CRACDL: variants seen among roughly 807,000 people sequenced by gnomAD.
The protein encoded by CRACDL is CRACD like, also known as CRACD-like protein.
CRACDL carries 26 observed loss-of-function variants against 70.6 expected under a neutral mutation model. The observed-to-expected ratio is 0.37, with a 90% CI of 0.27 to 0.51. The LOEUF is 0.51. CRACDL is among the 20% of genes least tolerant of loss of function. The pLI is 0.94. For missense variants in CRACDL, 1,283 were observed against 1,376.9 expected (o/e 0.93, Z 1.08); for synonymous variants, 618 against 615.2 (o/e 1.00, Z -0.07).
At chr2:98,905,316 C>T (rs145457148) in intron 1 of CRACDL, among the ~76,000 whole-genome samples, 1 of 151,696 alleles carries the variant, frequency 6.6e-6, no homozygotes, top group African/African-American at 2.4e-5. Context: ...TCTTGCCATG[C>T]GACATGCTGA....
At chr2:98,843,748 G>A (rs1575378454) in intron 2 of CRACDL, among the ~76,000 whole-genome samples, 1 of 152,114 alleles carries the variant, frequency 6.6e-6, no homozygotes, top group African/African-American at 2.4e-5. Context: ...ATACCATACT[G>A]TCTTGATTAC....
intron 5 of CRACDL, among the ~76,000 whole-genome samples, chr2:98,831,710 G>T (rs1373335501): frequency 6.6e-6 from 1 of 152,200 alleles, no homozygotes; most frequent in East Asian, 1.9e-4. Flanking sequence ...GAGCTATGTT[G>T]TTTATGCACG....
chr2:98,822,536 G>A lies in CRACDL; in HGVS notation c.1737C>T (p.Cys579=). The A allele has an allele frequency of 2.0e-6, 3 of 1,464,746 alleles. No individual in the cohort carries two copies. Among genetic ancestry groups the A allele is most frequent in the Non-Finnish European group, 2.7e-6 (3 of 1,116,244 alleles). 90.7% of individuals were successfully genotyped at this position (1,464,746 alleles called of 1,614,324 possible). The change falls in exon 7 of 10, where the codon TGC becomes TGT. Residue 579 remains cysteine (C), a synonymous_variant. Coordinates refer to ENST00000397899, the MANE Select transcript of CRACDL (RefSeq NM_207362.3). The surrounding 1 kb of genome is among the most constrained non-coding windows in gnomAD (Gnocchi z 4.9). ...RGAKKFSVSS[C]RARPRPGVSR... ...AGACGCCCGGACGAGGCCGCGCTCG[G>A]CACGAGGACACCGAGAACTTCTTCG...
At chr2:98,902,879 C>A (rs1166790871) in intron 1 of CRACDL, among the ~76,000 whole-genome samples, 1 of 152,146 alleles carries the variant, frequency 6.6e-6, no homozygotes, top group Non-Finnish European at 1.5e-5. Flanking sequence ...AACATGCCCC[C>A]ACATTTACTA....
chr2:98,848,089 C>T (rs775047465), intron 1 of CRACDL, among the ~76,000 whole-genome samples: 1 of 152,166 alleles, frequency 6.6e-6, no homozygotes, highest in Non-Finnish European at 1.5e-5. Context: ...GACTCATGAT[C>T]ATGCTATCAT....
At chr2:98,807,869 T>C (rs1212747382) in intron 7 of CRACDL, among the ~76,000 whole-genome samples, 1 of 152,158 alleles carries the variant, frequency 6.6e-6, no homozygotes, top group Non-Finnish European at 1.5e-5. Flanking sequence ...TATGGTGCCT[T>C]GACACCCAAG....
At position 98,794,591 on chromosome 2, in the gene CRACDL, T is replaced by C; in HGVS notation, c.2830A>G (p.Met944Val). 1 of 1,613,730 alleles carries C rather than the reference T, an allele frequency of 6.2e-7. No individual in the cohort carries two copies. The highest frequency in any genetic ancestry group is 8.5e-7 in the Non-Finnish European group (1 of 1,179,618). The change falls in exon 10 of 10, where the codon ATG (methionine) becomes GTG (valine). Residue 944 changes from methionine (M) to valine (V), a missense_variant. Physicochemically the swap from Met to Val is conservative, Grantham distance 21 (BLOSUM62 1). Coordinates refer to ENST00000397899, the MANE Select transcript of CRACDL (RefSeq NM_207362.3). Reference sequence around the variant, plus strand: ...TGAGATTTCTTTCTGGCAAGTTCCATCCAGGATGGCTGATCTGTACTGGCA... The same window carrying C: ...TGAGATTTCTTTCTGGCAAGTTCCACCCAGGATGGCTGATCTGTACTGGCA... ...SYASTDQPSW[M>V]ELARKKSQAW...
intron 7 of CRACDL, among the ~76,000 whole-genome samples, chr2:98,806,638 C>G (rs939872460): frequency 2.0e-5 from 3 of 152,242 alleles, no homozygotes; most frequent in Non-Finnish European, 4.4e-5. Flanking sequence ...TCTACCTCCA[C>G]AGAGACAGCT....
At chr2:98,848,937 G>A (rs1706370372) in intron 1 of CRACDL, among the ~76,000 whole-genome samples, 1 of 152,228 alleles carries the variant, frequency 6.6e-6, no homozygotes, top group Non-Finnish European at 1.5e-5. Flanking sequence ...TAAGGTAGCA[G>A]AGCAGATATG....
At chr2:98,802,794 C>T (rs1478530238) in intron 7 of CRACDL, among the ~76,000 whole-genome samples, 1 of 152,216 alleles carries the variant, frequency 6.6e-6, no homozygotes. Context: ...GCACAGTCTC[C>T]TGAGAGGCAA....
intron 5 of CRACDL, among the ~76,000 whole-genome samples, chr2:98,827,585 C>T (rs1032125114): frequency 3.3e-5 from 5 of 152,198 alleles, no homozygotes; most frequent in Admixed American, 6.5e-5. Context: ...CCACCGCACC[C>T]GGCCAATACT....
intron 1 of CRACDL, among the ~76,000 whole-genome samples, chr2:98,883,798 A>G (rs1265151181): frequency 1.3e-5 from 2 of 152,238 alleles, no homozygotes; most frequent in Non-Finnish European, 2.9e-5. Flanking sequence ...GGGGAAAACA[A>G]GGCCTGTCAT....
intron 1 of CRACDL, among the ~76,000 whole-genome samples, chr2:98,868,148 G>A (rs1460275176): frequency 6.6e-6 from 1 of 152,154 alleles, no homozygotes; most frequent in Non-Finnish European, 1.5e-5. Context: ...CCCAGTACAA[G>A]GCCCTGTCTT....
chr2:98,880,289 G>A (rs1413255695), intron 1 of CRACDL, among the ~76,000 whole-genome samples: 6 of 152,162 alleles, frequency 3.9e-5, no homozygotes, highest in Non-Finnish European at 8.8e-5. Context: ...GAACGAACAA[G>A]GACATTGGAG....
chr2:98,807,937 G>A (rs1407514063), intron 7 of CRACDL, among the ~76,000 whole-genome samples: 2 of 152,192 alleles, frequency 1.3e-5, no homozygotes, highest in Non-Finnish European at 2.9e-5. Context: ...ATTTGCTAGT[G>A]ACAGCCCTGA....
intron 1 of CRACDL, among the ~76,000 whole-genome samples, chr2:98,881,599 T>A (rs1055453961): frequency 5.9e-5 from 9 of 152,152 alleles, no homozygotes; most frequent in Non-Finnish European, 1.3e-4. Flanking sequence ...TAGAGGTGTA[T>A]CAACACCTTT....
Position 98,917,991 on chromosome 2 carries a change from T to C in CRACDL, c.-11+17947A>G, listed in dbSNP as rs530726731. 2.0e-5 allele frequency among the ~76,000 whole-genome samples: 3 copies of C among 152,368 alleles called. No individual in the cohort carries two copies. In the East Asian group the frequency reaches 5.8e-4, roughly 29 times the overall value. On this transcript the variant is annotated intron_variant, in intron 1 of 9. Coordinates refer to ENST00000397899, the MANE Select transcript of CRACDL (RefSeq NM_207362.3). The stretch of plus-strand genomic sequence containing the variant: ...GCTGAATAGTATTCCACTGTGTATA[T>C]ATATCACATTTTCTTTGTCCAATCA...
intron 1 of CRACDL, among the ~76,000 whole-genome samples, chr2:98,864,014 G>C (rs899242904): frequency 6.6e-6 from 1 of 152,074 alleles, no homozygotes; most frequent in Non-Finnish European, 1.5e-5. Flanking sequence ...CAATCTGAAC[G>C]CACTTAATAC....
rs1225699682 is a variant in CRACDL, at chr2:98,796,089, A to G, written c.2749+31T>C. On this transcript the variant is annotated intron_variant, in intron 9 of 9. Coordinates refer to ENST00000397899, the MANE Select transcript of CRACDL (RefSeq NM_207362.3). ...GGAACGACCCAGGAAAATGATTTCA[A>G]AGTATGTGGTAATGTTTGCAGATTT... The G allele has an allele frequency of 4.4e-6, 7 of 1,596,262 alleles. No individual in the cohort carries two copies. In the Admixed American group the frequency reaches 6.7e-5, roughly 15 times the overall value.
Sources: gnomAD v4.1 joint callset for allele counts (sites outside exome capture counted in the v4.1 genomes callset) on GRCh38, gnomAD v4.1.1 for gene constraint, Gnocchi (gnomAD v3.1) non-coding constraint, MANE v1.5 for transcripts, NCBI Gene and HGNC (gene_info 2026-07-23, HGNC 2026-07-21) for gene names.